ACLY: variants seen among roughly 807,000 people sequenced by gnomAD.
The protein encoded by ACLY is ATP citrate lyase, also known as ATP-citrate synthase.
A neutral mutation model predicts 133.0 loss-of-function variants in ACLY; 41 were observed. The observed-to-expected ratio is 0.31, with a 90% CI of 0.24 to 0.40. ACLY has a LOEUF of 0.40. ACLY is among the 10% of genes least tolerant of loss of function. The pLI is 1.00. For missense variants in ACLY, 1,046 were observed against 1,453.8 expected (o/e 0.72, Z 4.56); for synonymous variants, 495 against 549.3 (o/e 0.90, Z 1.38).
At chr17:41,897,235 G>A (rs1555630595) in intron 13 of ACLY, among the ~76,000 whole-genome samples, 5 of 152,108 alleles carry the variant, frequency 3.3e-5, no homozygotes. Context: ...CATCTACACG[G>A]AGAGAAAAAT....
intron 6 of ACLY, among the ~76,000 whole-genome samples, chr17:41,908,212 C>T (rs2049784365): frequency 6.6e-6 from 1 of 152,214 alleles, no homozygotes; most frequent in Admixed American, 6.5e-5. Flanking sequence ...CCTGAGAAGT[C>T]CTGGCCAGAG....
rs1237864927 is a variant in ACLY, at chr17:41,904,788, T to C, written c.1006A>G (p.Lys336Glu). The C allele has an allele frequency of 6.2e-7, 1 of 1,613,760 alleles. No individual in the cohort carries two copies. Among genetic ancestry groups the C allele is most frequent in the Non-Finnish European group, 8.5e-7 (1 of 1,179,758 alleles). ...LMTREKHPDG[K>E]ILIIGGSIAN... ...ATGCTGCCTCCAATGATGAGGATCT[T>C]GCCTGGATTTGGAGTAAGAGAGAAT... The change falls in exon 10 of 29, where the codon AAG becomes GAG. Residue 336 changes from lysine (K) to glutamate (E), a missense_variant and splice_region_variant. Lys to Glu is a moderately conservative substitution (Grantham distance 56). Coordinates refer to ENST00000352035, the MANE Select transcript of ACLY (RefSeq NM_001096.3).
Position 41,887,672 on chromosome 17 carries a change from A to G in ACLY, c.1802T>C (p.Ile601Thr). Residue 601 changes from isoleucine to threonine, a missense_variant, in exon 17 of 29, where the codon ATC becomes ACC. Coordinates refer to ENST00000352035, the MANE Select transcript of ACLY (RefSeq NM_001096.3). ...CAGCTTTCTCGTGAGGGCCTCAGGG[A>G]TGCCTTCAGCTATGATGGCGATGGT... ...IRTIAIIAEG[I>T]PEALTRKLIK... The G allele has an allele frequency of 6.2e-7, 1 of 1,613,762 alleles. No homozygotes were observed. The highest frequency in any genetic ancestry group is 8.5e-7 in the Non-Finnish European group (1 of 1,179,774).
At chr17:41,887,146 A>G (rs1350098092) in intron 17 of ACLY, among the ~76,000 whole-genome samples, 1 of 75,332 alleles carries the variant, frequency 1.3e-5, no homozygotes, top group Non-Finnish European at 3.1e-5. Flanking sequence ...AAAAAAAAAA[A>G]AAAAAAAAAA....
intron 12 of ACLY, 103 bp downstream of exon 12, chr17:41,898,528 T>C: frequency 6.9e-7 from 1 of 1,439,950 alleles, no homozygotes; most frequent in Non-Finnish European, 9.3e-7. Flanking sequence ...TAACTCCCGC[T>C]GTATTTCCTC....
chr17:41,873,993 AG>A (rs782793636), intron 22 of ACLY, 28 bp from the exon 23 acceptor site: 14 of 1,567,732 alleles, frequency 8.9e-6, no homozygotes, highest in Middle Eastern at 2.0e-4. Flanking sequence ...AGAGGGAAGC[AG>A]GGCCCTGGTG....
intron 12 of ACLY, 140 bp downstream of exon 12, chr17:41,898,491 G>A (rs2049435750): frequency 3.5e-6 from 4 of 1,141,112 alleles, no homozygotes; most frequent in Non-Finnish European, 4.8e-6. Flanking sequence ...AAAAAAATTG[G>A]CAGAGATCCA....
chr17:41,888,198 C>T (rs782054157), intron 16 of ACLY, among the ~76,000 whole-genome samples: 1 of 152,102 alleles, frequency 6.6e-6, no homozygotes, highest in Non-Finnish European at 1.5e-5. Flanking sequence ...GGCCTCTGCT[C>T]GTAATCACTC....
intron 11 of ACLY, 124 bp from the exon 12 acceptor site, chr17:41,898,909 T>C (rs1281581851): frequency 2.2e-6 from 2 of 920,396 alleles, no homozygotes; most frequent in South Asian, 1.8e-5. Flanking sequence ...GCAAGACCAA[T>C]ATCCAGGACA....
At position 41,909,638 on chromosome 17, in the gene ACLY, G is replaced by A. The variant is rs200918404; in HGVS notation, c.408C>T (p.His136=). The stretch of plus-strand genomic sequence containing the variant: ...CATCACCCACGTCCACACCCCCCTC[G>A]TGGTGGAACAGGACGTAGTCCCCTT... The part of the protein sequence containing the change: ...TREGDYVLFH[H]EGGVDVGDVD... Residue 136 remains histidine (H), a synonymous_variant, in exon 5 of 29, where the codon CAC becomes CAT. Coordinates refer to ENST00000352035, the MANE Select transcript of ACLY (RefSeq NM_001096.3). 152 of 1,614,154 alleles carry A rather than the reference G, an allele frequency of 9.4e-5. No homozygotes were observed. Among genetic ancestry groups the A allele is most frequent in the African/African-American group, 6.0e-4 (45 of 75,034 alleles).
At chr17:41,911,734 T>C (rs539447301) in intron 3 of ACLY, among the ~76,000 whole-genome samples, 66 of 152,214 alleles carry the variant, frequency 4.3e-4, no homozygotes, top group African/African-American at 1.4e-3. Context: ...GAGGATAACT[T>C]GAACCTGGGA....
chr17:41,887,127 GAAAAAAAAAAAAAA>G (rs535668437), intron 17 of ACLY, among the ~76,000 whole-genome samples: 77,834 of 112,532 alleles, frequency 0.69, 25,606 homozygotes, highest in East Asian at 0.83. Context: ...CCGTCTCAAA[GAAAAAAAAAAAAAA>G]AAAAAAAAAA....
At position 41,913,782 on chromosome 17, in the gene ACLY, T is replaced by C. The variant is rs782539870; in HGVS notation, c.92A>G (p.Tyr31Cys). 6 of 1,614,240 alleles carry C rather than the reference T, an allele frequency of 3.7e-6. No individual in the cohort carries two copies. The highest frequency in any genetic ancestry group is 5.1e-6 in the Non-Finnish European group (6 of 1,180,040). ...GTCTGTGTCAGGAGTGACCCGAGCA[T>C]ACTTGAACCGATTCTGGATGGCTGA... ...TTSAIQNRFK[Y>C]ARVTPDTDWA... Residue 31 changes from tyrosine to cysteine, a missense_variant, in exon 2 of 29, where the codon TAT (tyrosine) becomes TGT (cysteine). By Grantham distance (194) the Tyr-to-Cys change is radical. Around this residue, in one of 4 missense-constraint regions of ACLY, gnomAD observed 227 missense variants for 245.6 expected, o/e 0.92. Transcript: ENST00000352035.
In ACLY at chr17:41,886,222, T is replaced by C; in HGVS notation, c.1962A>G (p.Pro654=). ...DNILASKLYR[P]GSVAYVSRSG... Reference sequence around the variant, plus strand: ...AACGTGAGACATAGGCCACGCTGCCTGGGCGGTACAGTTTGGAGGCCAGGA... The same window carrying C: ...AACGTGAGACATAGGCCACGCTGCCCGGGCGGTACAGTTTGGAGGCCAGGA... Residue 654 remains proline, a synonymous_variant, in exon 18 of 29, where the codon CCA becomes CCG. Transcript: ENST00000352035. The C allele has an allele frequency of 6.2e-7, 1 of 1,614,200 alleles. No individual in the cohort carries two copies. Among genetic ancestry groups the C allele is most frequent in the Non-Finnish European group, 8.5e-7 (1 of 1,180,022 alleles).
intron 20 of ACLY, among the ~76,000 whole-genome samples, chr17:41,881,894 A>G (rs1416726154): frequency 6.6e-6 from 1 of 152,130 alleles, no homozygotes; most frequent in Non-Finnish European, 1.5e-5. Context: ...ACATACACAC[A>G]CACTTTACAC....
intron 19 of ACLY, 25 bp downstream of exon 19, chr17:41,884,168 A>ATT: frequency 7.0e-7 from 1 of 1,425,026 alleles, no homozygotes; most frequent in Non-Finnish European, 9.9e-7. Context: ...TTAAAATCAT[A>ATT]ATTTTTTTTT....
chr17:41,905,308 C>T (rs2049680272), intron 9 of ACLY, among the ~76,000 whole-genome samples: 1 of 152,218 alleles, frequency 6.6e-6, no homozygotes, highest in Admixed American at 6.5e-5. Context: ...TATCACACAT[C>T]ACCTCTTGCC....
intron 1 of ACLY, among the ~76,000 whole-genome samples, chr17:41,927,858 C>T (rs2050261714): frequency 6.6e-6 from 1 of 150,924 alleles, no homozygotes; most frequent in African/African-American, 2.4e-5. Context: ...TATATTTAGA[C>T]AGGCATGGTG....
chr17:41,868,956 A>G (rs2048531766), intron 27 of ACLY, 87 bp downstream of exon 27: 1 of 1,377,452 alleles, frequency 7.3e-7, no homozygotes, highest in Non-Finnish European at 1.0e-6. Flanking sequence ...CAAATATTCT[A>G]TTATGAGTAT....
Sources: allele counts gnomAD v4.1 joint callset (sites outside exome capture counted in the v4.1 genomes callset), GRCh38; gene constraint gnomAD v4.1.1; regional missense constraint gnomAD v4.1.1; transcripts MANE v1.5; gene names NCBI Gene and HGNC (gene_info 2026-07-23, HGNC 2026-07-21).